LRRTM4: variants seen among roughly 807,000 people sequenced by gnomAD.
LRRTM4 encodes leucine-rich repeat transmembrane neuronal protein 4.
In LRRTM4, 25 loss-of-function variants were observed where a neutral mutation model predicts 47.6. The ratio of observed to expected loss-of-function variants is 0.53; its 90% CI spans 0.38 to 0.73. The LOEUF (loss-of-function observed/expected upper bound fraction) is 0.73, where lower values mean the gene tolerates loss of function less well. LRRTM4 is among the 30% of genes least tolerant of loss of function. The pLI is 0.00. For synonymous variants in LRRTM4, 311 were observed against 269.5 expected (o/e 1.15, Z -1.51); for missense variants, 638 against 713.4 (o/e 0.89, Z 1.20).
At chr2:77,189,457 T>C (rs541967947) in intron 3 of LRRTM4, among the ~76,000 whole-genome samples, 29 of 152,266 alleles carry the variant, frequency 1.9e-4, no homozygotes, top group Non-Finnish European at 4.1e-4. Flanking sequence ...TATTAGAAGG[T>C]GGGGCCTCTG....
At chr2:77,068,837 C>T (rs982810006) in intron 3 of LRRTM4, among the ~76,000 whole-genome samples, 10 of 152,180 alleles carry the variant, frequency 6.6e-5, no homozygotes, top group Admixed American at 2.6e-4. Context: ...ATAAGGCCTA[C>T]GCTGGAAGGT....
intron 3 of LRRTM4, among the ~76,000 whole-genome samples, chr2:77,171,726 A>G (rs1673054118): frequency 6.6e-6 from 1 of 151,980 alleles, no homozygotes; most frequent in South Asian, 2.1e-4. Flanking sequence ...AATGAAGATA[A>G]TTGTCTAAGT....
At chr2:77,172,904 T>C (rs930816804) in intron 3 of LRRTM4, among the ~76,000 whole-genome samples, 1 of 152,204 alleles carries the variant, frequency 6.6e-6, no homozygotes, top group African/African-American at 2.4e-5. Flanking sequence ...TCATGCTACA[T>C]TTTTATGCTT....
chr2:76,916,399 A>AAAAAAAAAAAAAAAAAAAAAAAAC (rs1674250078), intron 3 of LRRTM4, among the ~76,000 whole-genome samples: 1 of 143,540 alleles, frequency 7.0e-6, no homozygotes, highest in Non-Finnish European at 1.6e-5. Flanking sequence ...AAAAAAAAAA[A>AAAAAAAAAAAAAAAAAAAAAAAAC]AAAAAAAAGA....
In LRRTM4 at chr2:77,219,515, G is replaced by T. The variant is rs539545242; in HGVS notation, c.1551+298803C>A. ...GTGGGGCATATGGTAAACAAATATC[G>T]GTACCCTTGTTTACAGTACGGATAA... On this transcript the variant is annotated intron_variant, in intron 3 of 3. Transcript: ENST00000409884. Among the ~76,000 whole-genome samples, 4 of 152,160 alleles carry T rather than the reference G, an allele frequency of 2.6e-5. No homozygotes were observed. The South Asian group carries it at 8.3e-4, about 32-fold the overall frequency.
In LRRTM4 at chr2:76,775,748, T is replaced by TC. The variant is rs1291436975; in HGVS notation, c.1552-26833_1552-26832insG. On this transcript the variant is annotated intron_variant, in intron 3 of 3. Coordinates refer to ENST00000409884, the MANE Select transcript of LRRTM4 (RefSeq NM_001134745.3). ...AAATCTTGGTGCTCATTTCTCTCTC[T>TC]TTTTTTTAAATTTATTTTTTTATTA... Among the ~76,000 whole-genome samples, 3 of 151,458 alleles carry TC rather than the reference T, an allele frequency of 2.0e-5. No homozygotes were observed. The East Asian group carries it at 5.8e-4, about 29-fold the overall frequency.
chr2:77,239,705 A>G (rs986988314), intron 3 of LRRTM4, among the ~76,000 whole-genome samples: 2 of 151,968 alleles, frequency 1.3e-5, no homozygotes, highest in African/African-American at 4.8e-5. Context: ...AGTTCAATCC[A>G]TCAAGGAGAT....
At chr2:76,962,743 T>C (rs1415911026) in intron 3 of LRRTM4, among the ~76,000 whole-genome samples, 1 of 150,726 alleles carries the variant, frequency 6.6e-6, no homozygotes, top group Non-Finnish European at 1.5e-5. Flanking sequence ...TCTTAGGAAT[T>C]AAAGCAAGTA....
chr2:76,993,605 A>G (rs1677089798), intron 3 of LRRTM4, among the ~76,000 whole-genome samples: 1 of 152,022 alleles, frequency 6.6e-6, no homozygotes, highest in African/African-American at 2.4e-5. Context: ...TACAAAAGCA[A>G]CAAATGTTGA....
At chr2:77,408,926 A>C (rs987590095) in intron 3 of LRRTM4, among the ~76,000 whole-genome samples, 4 of 152,202 alleles carry the variant, frequency 2.6e-5, no homozygotes, top group African/African-American at 9.6e-5. Flanking sequence ...ACTATCTGCT[A>C]AGACTGATAC....
At chr2:76,945,109 A>G (rs1168761708) in intron 3 of LRRTM4, among the ~76,000 whole-genome samples, 1 of 152,126 alleles carries the variant, frequency 6.6e-6, no homozygotes, top group East Asian at 1.9e-4. Context: ...TAAAGTAAAA[A>G]TCAGCATATT....
At chr2:77,292,035 G>A (rs1573204882) in intron 3 of LRRTM4, among the ~76,000 whole-genome samples, 1 of 151,760 alleles carries the variant, frequency 6.6e-6, no homozygotes, top group Non-Finnish European at 1.5e-5. Flanking sequence ...AGTGGGCAAA[G>A]GACATGAACA....
Position 77,009,049 on chromosome 2 carries a change from T to C in LRRTM4, c.1552-260133A>G, listed in dbSNP as rs532534505. On this transcript the variant is annotated intron_variant, in intron 3 of 3. Transcript: ENST00000409884. ...AGTGTGAACCCCTGGAGTTTTACAA[T>C]CATTTGAAATTCAAAGGCAAATGCT... is the stretch of plus-strand genomic sequence containing the variant. The C allele has an allele frequency of 4.7e-4, 72 of 151,868 alleles. 1 individual carries two copies. The highest frequency in any genetic ancestry group is 3.4e-3 in the Middle Eastern group (1 of 294). 9.4% of individuals were successfully genotyped at this position (151,868 alleles called of 1,614,324 possible).
chr2:77,080,251 C>T (rs1680487754), intron 3 of LRRTM4, among the ~76,000 whole-genome samples: 1 of 152,156 alleles, frequency 6.6e-6, no homozygotes, highest in Admixed American at 6.6e-5. Flanking sequence ...CCTTACATAA[C>T]TGGTTGGTTG....
chr2:76,852,285 G>A (rs140054335), intron 3 of LRRTM4, among the ~76,000 whole-genome samples: 109 of 152,210 alleles, frequency 7.2e-4, no homozygotes, highest in Non-Finnish European at 1.1e-3. Flanking sequence ...GTATCATTCA[G>A]CTTACACTCC....
chr2:76,918,169 T>A (rs761983308), intron 3 of LRRTM4, among the ~76,000 whole-genome samples: 4 of 152,204 alleles, frequency 2.6e-5, no homozygotes, highest in Non-Finnish European at 5.9e-5. Context: ...CACAATACAC[T>A]AATACATGAG....
At chr2:76,947,982 G>A (rs1389555406) in intron 3 of LRRTM4, among the ~76,000 whole-genome samples, 2 of 151,778 alleles carry the variant, frequency 1.3e-5, no homozygotes, top group African/African-American at 2.4e-5. Context: ...TTTCTTAATT[G>A]CATGCTCTGA....
intron 3 of LRRTM4, among the ~76,000 whole-genome samples, chr2:77,365,409 A>T (rs1035883693): frequency 2.6e-5 from 4 of 151,944 alleles, no homozygotes; most frequent in Non-Finnish European, 4.4e-5. Flanking sequence ...TATACTAAAG[A>T]GTCATTCAGT....
intron 3 of LRRTM4, among the ~76,000 whole-genome samples, chr2:77,442,098 G>A (rs1346734940): frequency 6.6e-6 from 1 of 152,080 alleles, no homozygotes; most frequent in Non-Finnish European, 1.5e-5. Flanking sequence ...AGCAGAATGT[G>A]GAAAGACATG....
Sources: allele counts gnomAD v4.1 joint callset (sites outside exome capture counted in the v4.1 genomes callset), GRCh38; gene constraint gnomAD v4.1.1; transcripts MANE v1.5; gene names NCBI Gene and HGNC (gene_info 2026-07-23, HGNC 2026-07-21).